The following ST18 variants were observed in gnomAD, a reference collection of about 807,000 sequenced individuals.
ST18 encodes suppression of tumorigenicity 18 protein.
In ST18, 50 loss-of-function variants were observed where a neutral mutation model predicts 110.0. The ratio of observed to expected loss-of-function variants is 0.45; its 90% CI spans 0.36 to 0.58. ST18 has a LOEUF of 0.58. Among genes scored for constraint, ST18 ranks in the 20% least tolerant of loss-of-function variants. The probability of loss-of-function intolerance (pLI) is 0.00; values close to 1 mark genes in which losing one functional copy is unlikely to be tolerated. For synonymous variants in ST18, 461 were observed against 452.4 expected (o/e 1.02, Z -0.24); for missense variants, 1,306 against 1,280.1 (o/e 1.02, Z -0.31).
At chr8:52,152,947 A>C (rs910119254) in intron 15 of ST18, among the ~76,000 whole-genome samples, 5 of 152,230 alleles carry the variant, frequency 3.3e-5, no homozygotes, top group Admixed American at 2.0e-4. Context: ...AGCAGAGAAC[A>C]ATGTGGCATT....
chr8:52,376,004 C>G (rs1450958131), intron 2 of ST18, among the ~76,000 whole-genome samples: 2 of 152,156 alleles, frequency 1.3e-5, no homozygotes, highest in Non-Finnish European at 2.9e-5. Flanking sequence ...ACCTTCAGAG[C>G]ACATCCAGAT....
In ST18 at chr8:52,345,586, G is replaced by A. The variant is rs576795321; in HGVS notation, c.-465+63742C>T. ...CAGAAGTAAACCTGCAGCCGTCCCA[G>A]CTGCCTTCATCTCCAACCCAGCTCT... On this transcript the variant is annotated intron_variant, in intron 2 of 25. Transcript: ENST00000689386. Among the ~76,000 whole-genome samples, 22 of 152,308 alleles carry A rather than the reference G, an allele frequency of 1.4e-4. 4 individuals carry two copies. Among genetic ancestry groups the A allele is most frequent in the African/African-American group, 5.3e-4 (22 of 41,572 alleles).
intron 23 of ST18, among the ~76,000 whole-genome samples, chr8:52,122,747 A>C (rs4352875): frequency 6.6e-6 from 1 of 151,942 alleles, no homozygotes; most frequent in African/African-American, 2.4e-5. Flanking sequence ...TCGGCCTCCC[A>C]AAGTTCTGGG....
intron 2 of ST18, among the ~76,000 whole-genome samples, chr8:52,345,400 C>T (rs369523040): frequency 6.6e-6 from 1 of 152,304 alleles, no homozygotes; most frequent in East Asian, 1.9e-4. Context: ...GATGACTTCA[C>T]CATATTTCAA....
chr8:52,395,841 A>C (rs1840928938), intron 2 of ST18, among the ~76,000 whole-genome samples: 1 of 152,234 alleles, frequency 6.6e-6, no homozygotes. Flanking sequence ...GATAGGCCAA[A>C]ACATAATTTA....
intron 2 of ST18, among the ~76,000 whole-genome samples, chr8:52,280,590 CA>C (rs1354869807): frequency 6.6e-6 from 1 of 151,858 alleles, no homozygotes; most frequent in African/African-American, 2.4e-5. Context: ...AAAATTGATT[CA>C]AAAGCAAAGG....
intron 2 of ST18, among the ~76,000 whole-genome samples, chr8:52,319,927 G>A (rs1803135750): frequency 6.6e-6 from 1 of 152,106 alleles, no homozygotes; most frequent in African/African-American, 2.4e-5. Flanking sequence ...ACGAACGGGT[G>A]GAAGCTGGAC....
intron 19 of ST18, 129 bp from the exon 20 acceptor site, chr8:52,133,430 G>A: frequency 9.4e-7 from 1 of 1,061,618 alleles, no homozygotes; most frequent in South Asian, 1.4e-5. Flanking sequence ...CGTGGAGGGA[G>A]GCGGGGTCAC....
chr8:52,359,120 G>GAA (rs34819262), intron 2 of ST18, among the ~76,000 whole-genome samples: 1,713 of 149,586 alleles, frequency 0.011, 16 homozygotes, highest in Non-Finnish European at 0.018. Flanking sequence ...ATAGAATGGA[G>GAA]AAAAAAAAAC....
At chr8:52,226,400 C>T (rs1396984679) in intron 3 of ST18, among the ~76,000 whole-genome samples, 1 of 152,098 alleles carries the variant, frequency 6.6e-6, no homozygotes, top group Non-Finnish European at 1.5e-5. Flanking sequence ...ACTAGCTTTC[C>T]CTCTAACTCA....
intron 2 of ST18, among the ~76,000 whole-genome samples, chr8:52,364,695 A>C (rs1253809593): frequency 1.3e-5 from 2 of 152,192 alleles, no homozygotes; most frequent in Admixed American, 6.5e-5. Context: ...TTCTTGCTCA[A>C]GATTTTGGCA....
intron 2 of ST18, among the ~76,000 whole-genome samples, chr8:52,326,742 T>G (rs552157480): frequency 1.3e-5 from 2 of 152,250 alleles, no homozygotes; most frequent in South Asian, 4.2e-4. Context: ...GAAAAAGAAT[T>G]ATTGCAGGTC....
intron 16 of ST18, among the ~76,000 whole-genome samples, chr8:52,148,834 G>C (rs2058075515): frequency 6.6e-6 from 1 of 152,124 alleles, no homozygotes; most frequent in African/African-American, 2.4e-5. Flanking sequence ...AATCAAATTA[G>C]ATCTCATCAC....
At chr8:52,185,579 A>C (rs1160402831) in intron 8 of ST18, among the ~76,000 whole-genome samples, 1 of 152,186 alleles carries the variant, frequency 6.6e-6, no homozygotes, top group African/African-American at 2.4e-5. Context: ...ATTAAAAAAA[A>C]CAGACCAATG....
chr8:52,166,844 G>T lies in ST18; in HGVS notation c.1204+8C>A. 6.4e-7 allele frequency: 1 copy of T among 1,570,638 alleles called. No individual in the cohort carries two copies. The highest frequency in any genetic ancestry group is 1.7e-4 in the Middle Eastern group (1 of 5,882). On this transcript the variant is annotated splice_region_variant and intron_variant, in intron 11 of 25. Transcript: ENST00000689386. ...AAGCAGAAGCTTTGAGGGACAAGTG[G>T]TACTCACTTTCCAGGGGAACCCGCA...
chr8:52,204,371 C>T (rs2079137160), intron 8 of ST18, among the ~76,000 whole-genome samples: 1 of 152,168 alleles, frequency 6.6e-6, no homozygotes, highest in South Asian at 2.1e-4. Flanking sequence ...GTGTGCCTCT[C>T]AAACTTCCAA....
chr8:52,123,781 T>C (rs983796403), intron 23 of ST18, among the ~76,000 whole-genome samples: 4 of 152,226 alleles, frequency 2.6e-5, no homozygotes, highest in African/African-American at 9.6e-5. Context: ...TATTGTGGGT[T>C]CAGACAGACC....
At chr8:52,255,377 C>G (rs1349892209) in intron 2 of ST18, among the ~76,000 whole-genome samples, 1 of 152,144 alleles carries the variant, frequency 6.6e-6, no homozygotes, top group Non-Finnish European at 1.5e-5. Context: ...AAAAGGCAGT[C>G]TATCCTCCCA....
chr8:52,261,463 A>C (rs1564358526), intron 2 of ST18, among the ~76,000 whole-genome samples: 1 of 152,196 alleles, frequency 6.6e-6, no homozygotes, highest in Non-Finnish European at 1.5e-5. Flanking sequence ...TGTAGGATTC[A>C]AGACCCTTTT....
Sources: allele counts gnomAD v4.1 joint callset (sites outside exome capture counted in the v4.1 genomes callset), GRCh38; gene constraint gnomAD v4.1.1; transcripts MANE v1.5; gene names NCBI Gene and HGNC (gene_info 2026-07-23, HGNC 2026-07-21).